The following GNAZ variants were observed in gnomAD, a reference collection of about 807,000 sequenced individuals.
GNAZ encodes the protein guanine nucleotide-binding protein G(z) subunit alpha.
In GNAZ, 3 loss-of-function variants were observed where a neutral mutation model predicts 25.4. The ratio of observed to expected loss-of-function variants is 0.12; its 90% CI spans 0.05 to 0.30. GNAZ has a LOEUF of 0.30. Among genes scored for constraint, GNAZ ranks in the 10% least tolerant of loss-of-function variants. GNAZ has a pLI of 1.00. For synonymous variants in GNAZ, 211 were observed against 205.7 expected (o/e 1.03, Z -0.22); for missense variants, 241 against 501.8 (o/e 0.48, Z 4.97).
chr22:23,080,126 G>A (rs879545748), intron 1 of GNAZ, among the ~76,000 whole-genome samples: 4 of 152,208 alleles, frequency 2.6e-5, no homozygotes, highest in Non-Finnish European at 5.9e-5. Flanking sequence ...CTTCTTCTCT[G>A]CTGTCATGGC....
chr22:23,103,888 A>C (rs1255109749), intron 2 of GNAZ, among the ~76,000 whole-genome samples: 1 of 152,222 alleles, frequency 6.6e-6, no homozygotes, highest in Non-Finnish European at 1.5e-5. Context: ...CCCAGTGCCT[A>C]CAAATGCTGG....
In GNAZ at chr22:23,096,989, G is replaced by A. The variant is rs1417849501; in HGVS notation, c.723+571G>A. Among the ~76,000 whole-genome samples, 3 of 152,370 alleles carry A rather than the reference G, an allele frequency of 2.0e-5. No individual in the cohort carries two copies. The East Asian group carries it at 5.8e-4, about 29-fold the overall frequency. ...GTTGCTGGAGAGGGTGGGGAGCCGG[G>A]TGAAGCAGCAGGGCAGTGTGCTGAG... On this transcript the variant is annotated intron_variant, in intron 2 of 2. Transcript: ENST00000615612.
At chr22:23,082,007 C>T (rs2068693530) in intron 1 of GNAZ, among the ~76,000 whole-genome samples, 1 of 150,582 alleles carries the variant, frequency 6.6e-6, no homozygotes. Context: ...CACCTGTAGT[C>T]CTAGCTACTT....
At chr22:23,089,030 G>T (rs948106458) in intron 1 of GNAZ, among the ~76,000 whole-genome samples, 6 of 152,158 alleles carry the variant, frequency 3.9e-5, no homozygotes, top group African/African-American at 1.4e-4. Flanking sequence ...CCATCACTTC[G>T]TCTTGGCTCA....
At chr22:23,111,040 C>A (rs1316535874) in intron 2 of GNAZ, among the ~76,000 whole-genome samples, 3 of 152,206 alleles carry the variant, frequency 2.0e-5, no homozygotes, top group African/African-American at 7.2e-5. Flanking sequence ...GGTAGGATAG[C>A]ACTGGGATTC....
rs142728532 is a variant in GNAZ at position 23,097,851 on chromosome 22, C to T, written c.723+1433C>T. On this transcript the variant is annotated intron_variant, in intron 2 of 2. Transcript: ENST00000615612. ...TGCCATGGTGGGTCTGCCAGTCACACGGGCTTGCGCCACTGGCCTCACCCA... is the reference window on the plus strand; with the variant it reads ...TGCCATGGTGGGTCTGCCAGTCACATGGGCTTGCGCCACTGGCCTCACCCA... Among the ~76,000 whole-genome samples the T allele has an allele frequency of 8.7e-3, 1,326 of 152,348 alleles. 20 individuals are homozygous for T. The highest frequency in any genetic ancestry group is 0.03 in the African/African-American group (1,263 of 41,582).
intron 2 of GNAZ, among the ~76,000 whole-genome samples, chr22:23,118,824 A>G (rs1255755425): frequency 6.6e-6 from 1 of 152,210 alleles, no homozygotes; most frequent in African/African-American, 2.4e-5. Flanking sequence ...CAGCAGGACA[A>G]TGTTTAACCC....
chr22:23,078,558 C>T (rs548866518), intron 1 of GNAZ, among the ~76,000 whole-genome samples: 1 of 152,358 alleles, frequency 6.6e-6, no homozygotes, highest in African/African-American at 2.4e-5. Flanking sequence ...GCTGGCTGTT[C>T]TGGGGCTCTC....
At chr22:23,105,924 CA>C (rs1333921317) in intron 2 of GNAZ, among the ~76,000 whole-genome samples, 15 of 152,188 alleles carry the variant, frequency 9.9e-5, no homozygotes, top group Non-Finnish European at 1.9e-4. Flanking sequence ...AAGGTGAGAG[CA>C]GGTGGGACCC....
intron 2 of GNAZ, among the ~76,000 whole-genome samples, chr22:23,114,019 TGA>T (rs2069738520): frequency 6.6e-6 from 1 of 152,086 alleles, no homozygotes; most frequent in Non-Finnish European, 1.5e-5. Context: ...CCCAGAGGGG[TGA>T]GAGGCTTGGC....
rs554811866 is a variant in GNAZ, at chr22:23,122,737, T to TG, written c.724-344dup. 1.1e-4 allele frequency: 32 copies of TG among 295,380 alleles called. No individual in the cohort carries two copies. In the East Asian group the frequency reaches 1.9e-3, roughly 18 times the overall value. The allele number at this position is 295,380 out of a possible 1,614,324, so 18.3% of individuals were successfully genotyped here. ...AGCCTGTGGATGGGCAGTGGGAAGA[T>TG]GGGGGGTCCTCGGAGCTGGAGGTGC... On this transcript the variant is annotated intron_variant, in intron 2 of 2. Transcript: ENST00000615612.
chr22:23,084,375 A>G (rs1011625291), intron 1 of GNAZ, among the ~76,000 whole-genome samples: 1 of 152,196 alleles, frequency 6.6e-6, no homozygotes, highest in Admixed American at 6.5e-5. Context: ...CTGCAGGCTA[A>G]TGTAAGTGTT....
chr22:23,094,540 G>A lies in GNAZ; in HGVS notation c.-449-707G>A, dbSNP rs189208851. Among the ~76,000 whole-genome samples, 130 of 152,308 alleles carry A rather than the reference G, an allele frequency of 8.5e-4. 2 individuals are homozygous for A. The Middle Eastern group carries it at 0.017, about 20-fold the overall frequency. ...CAGGTGGATTTCCCCGCAGCACCAC[G>A]TGCAGCCCCCAGCTCCTTGGTCTCA... is the stretch of plus-strand genomic sequence containing the variant. On this transcript the variant is annotated intron_variant, in intron 1 of 2. Coordinates refer to ENST00000615612, the MANE Select transcript of GNAZ (RefSeq NM_002073.4).
chr22:23,122,845 C>G (rs938344234), intron 2 of GNAZ: 2 of 573,430 alleles, frequency 3.5e-6, no homozygotes, highest in Non-Finnish European at 6.2e-6. Context: ...AGGAGAGACC[C>G]AAAAGGGGCA....
chr22:23,100,762 C>T (rs1056297477), intron 2 of GNAZ, among the ~76,000 whole-genome samples: 1 of 152,214 alleles, frequency 6.6e-6, no homozygotes, highest in Admixed American at 6.5e-5. Context: ...AGAGCTGGAG[C>T]TCCAGAGCCC....
chr22:23,083,823 G>A (rs190281520), intron 1 of GNAZ, among the ~76,000 whole-genome samples: 8 of 152,330 alleles, frequency 5.3e-5, no homozygotes, highest in East Asian at 3.9e-4. Flanking sequence ...GTTCAAGGTC[G>A]CGCGGGCCAG....
At chr22:23,077,844 C>A (rs972365724) in intron 1 of GNAZ, among the ~76,000 whole-genome samples, 2 of 152,178 alleles carry the variant, frequency 1.3e-5, no homozygotes, top group Admixed American at 1.3e-4. Flanking sequence ...CAGGCCCTGA[C>A]CCCCTGTGAA....
At chr22:23,113,303 G>A (rs1391638447) in intron 2 of GNAZ, among the ~76,000 whole-genome samples, 6 of 152,120 alleles carry the variant, frequency 3.9e-5, no homozygotes, top group Non-Finnish European at 4.4e-5. Context: ...ATCTTACCCC[G>A]GCTCCCACCC....
chr22:23,109,423 T>C (rs761442386), intron 2 of GNAZ, among the ~76,000 whole-genome samples: 1 of 151,738 alleles, frequency 6.6e-6, no homozygotes, highest in Non-Finnish European at 1.5e-5. Context: ...TTTTTGGGAG[T>C]CCTGAATCTG....
Sources: allele counts gnomAD v4.1 joint callset (sites outside exome capture counted in the v4.1 genomes callset), GRCh38; gene constraint gnomAD v4.1.1; transcripts MANE v1.5; gene names NCBI Gene and HGNC (gene_info 2026-07-23, HGNC 2026-07-21).